TMEM217B: variants seen among roughly 807,000 people sequenced by gnomAD.
The protein encoded by TMEM217B is transmembrane protein 217B.
chr6:37,236,044 A>G, the TMEM217B span, among the ~76,000 whole-genome samples: 1 of 152,234 alleles, frequency 6.6e-6, no homozygotes, highest in Non-Finnish European at 1.5e-5. Context: ...AATCATTACC[A>G]TAACAAAACA....
the TMEM217B span, among the ~76,000 whole-genome samples, chr6:37,254,852 C>T: frequency 6.6e-6 from 1 of 152,052 alleles, no homozygotes; most frequent in Non-Finnish European, 1.5e-5. Flanking sequence ...GACAACTTTT[C>T]CATGAAAATT....
the TMEM217B span, among the ~76,000 whole-genome samples, chr6:37,226,459 A>AT: frequency 2.0e-3 from 285 of 144,104 alleles, no homozygotes; most frequent in East Asian, 7.5e-3. Flanking sequence ...CGCCCAGCTA[A>AT]TTTTTTTTTT....
chr6:37,231,152 C>T, the TMEM217B span, among the ~76,000 whole-genome samples: 2 of 151,798 alleles, frequency 1.3e-5, no homozygotes, highest in Non-Finnish European at 1.5e-5. Flanking sequence ...CTCCACCTCC[C>T]GGGTTCAAGC....
the TMEM217B span, among the ~76,000 whole-genome samples, chr6:37,244,223 T>C: frequency 6.6e-6 from 1 of 152,248 alleles, no homozygotes; most frequent in African/African-American, 2.4e-5. Context: ...TTTCCAAAGT[T>C]TGGCTTATGC....
At chr6:37,251,962 C>A in the TMEM217B span, among the ~76,000 whole-genome samples, 2 of 152,118 alleles carry the variant, frequency 1.3e-5, no homozygotes, top group African/African-American at 4.8e-5. Flanking sequence ...GGCACAATCT[C>A]GGCTCACTGC....
At chr6:37,245,644 G>C in the TMEM217B span, among the ~76,000 whole-genome samples, 1 of 152,108 alleles carries the variant, frequency 6.6e-6, no homozygotes, top group Non-Finnish European at 1.5e-5. Flanking sequence ...TATATCATGG[G>C]CAGCAAAAAC....
At chr6:37,237,125 C>G in the TMEM217B span, among the ~76,000 whole-genome samples, 6 of 152,118 alleles carry the variant, frequency 3.9e-5, no homozygotes, top group African/African-American at 1.4e-4. Context: ...AGTGAGTCAC[C>G]AAGGCCATAT....
chr6:37,253,518 T>C, the TMEM217B span, among the ~76,000 whole-genome samples: 3 of 152,212 alleles, frequency 2.0e-5, no homozygotes, highest in Admixed American at 6.5e-5. Flanking sequence ...ATCTCTGCCA[T>C]TGGCTCTAAC....
At chr6:37,227,848 A>G in the TMEM217B span, among the ~76,000 whole-genome samples, 1 of 152,226 alleles carries the variant, frequency 6.6e-6, no homozygotes, top group East Asian at 1.9e-4. Flanking sequence ...AAATTAAAGC[A>G]TAATTTAATA....
the TMEM217B span, among the ~76,000 whole-genome samples, chr6:37,249,207 G>T: frequency 2.0e-5 from 3 of 152,244 alleles, no homozygotes; most frequent in Admixed American, 6.5e-5. Flanking sequence ...AAATATTTTT[G>T]GGGGCCACAA....
At chr6:37,236,764 A>G in the TMEM217B span, among the ~76,000 whole-genome samples, 2 of 152,018 alleles carry the variant, frequency 1.3e-5, no homozygotes, top group South Asian at 4.1e-4. Flanking sequence ...GTGGGTGAGG[A>G]CTTCAGACAG....
the TMEM217B span, among the ~76,000 whole-genome samples, chr6:37,224,523 A>G: frequency 6.6e-6 from 1 of 151,970 alleles, no homozygotes; most frequent in African/African-American, 2.4e-5. Flanking sequence ...GCGTGAACCC[A>G]GGAGGCAGAG....
chr6:37,236,176 A>G, the TMEM217B span, among the ~76,000 whole-genome samples: 6 of 152,150 alleles, frequency 3.9e-5, no homozygotes, highest in Non-Finnish European at 7.4e-5. Context: ...AAACAGAGAC[A>G]TGGTCTCACT....
At chr6:37,220,687 T>C in the TMEM217B span, among the ~76,000 whole-genome samples, 2 of 152,136 alleles carry the variant, frequency 1.3e-5, no homozygotes. Flanking sequence ...CTCTGGAGGA[T>C]TGTACTTTTA....
the TMEM217B span, among the ~76,000 whole-genome samples, chr6:37,232,669 T>C: frequency 6.6e-6 from 1 of 152,210 alleles, no homozygotes; most frequent in African/African-American, 2.4e-5. Flanking sequence ...TTTCCACATA[T>C]ACACTCCCTT....
chr6:37,221,084 T>A, the TMEM217B span, among the ~76,000 whole-genome samples: 2 of 152,182 alleles, frequency 1.3e-5, no homozygotes, highest in African/African-American at 2.4e-5. Flanking sequence ...TGTACACCCA[T>A]TAAGCAACGA....
chr6:37,225,373 T>A, the TMEM217B span, among the ~76,000 whole-genome samples: 7,159 of 151,764 alleles, frequency 0.047, 587 homozygotes, highest in African/African-American at 0.16. Context: ...CATCATAGTT[T>A]AAAAAAAACA....
At chr6:37,238,125 A>G in the TMEM217B span, among the ~76,000 whole-genome samples, 1 of 151,892 alleles carries the variant, frequency 6.6e-6, no homozygotes, top group South Asian at 2.1e-4. Flanking sequence ...AGGGATTATG[A>G]TCAATCTAAT....
At chr6:37,238,776 C>T in the TMEM217B span, among the ~76,000 whole-genome samples, 1 of 152,182 alleles carries the variant, frequency 6.6e-6, no homozygotes. Context: ...TTACTTTTTA[C>T]ATTTTATTGG....
Sources: gnomAD v4.1 joint callset for allele counts (sites outside exome capture counted in the v4.1 genomes callset) on GRCh38, gnomAD v4.1.1 for gene constraint, MANE v1.5 for transcripts, NCBI Gene and HGNC (gene_info 2026-07-23, HGNC 2026-07-21) for gene names.